SCARB1: variants seen among roughly 807,000 people sequenced by gnomAD.
The protein encoded by SCARB1 is scavenger receptor class B member 1.
In SCARB1, 30 loss-of-function variants were observed where a neutral mutation model predicts 57.2. The ratio of observed to expected loss-of-function variants is 0.52; its 90% CI spans 0.39 to 0.71. SCARB1 has a LOEUF of 0.71. SCARB1 is among the 30% of genes least tolerant of loss of function. The pLI is 0.00. For missense variants in SCARB1, 543 were observed against 671.2 expected (o/e 0.81, Z 2.11); for synonymous variants, 249 against 268.3 (o/e 0.93, Z 0.70).
At position 124,825,603 on chromosome 12, in the gene SCARB1, G is replaced by A. The variant is rs193132316; in HGVS notation, c.127-7896C>T. On this transcript the variant is annotated intron_variant, in intron 1 of 12. Coordinates refer to ENST00000261693, the MANE Select transcript of SCARB1 (RefSeq NM_005505.5). The stretch of plus-strand genomic sequence containing the variant: ...GGAGAATCGCTTGAGCCCAGGAGGC[G>A]GAGGTTGCAGTGAGCCGAGATCACA... Among the ~76,000 whole-genome samples, 17 of 150,774 alleles carry A rather than the reference G, an allele frequency of 1.1e-4. No individual in the cohort carries two copies. The East Asian group carries it at 3.2e-3, about 28-fold the overall frequency.
chr12:124,848,509 G>A (rs571960707), intron 1 of SCARB1, among the ~76,000 whole-genome samples: 3 of 152,216 alleles, frequency 2.0e-5, no homozygotes, highest in South Asian at 2.1e-4. Context: ...CGTGGTCCAC[G>A]GCCATGGAGA....
chr12:124,831,409 G>T (rs889847370), intron 1 of SCARB1, among the ~76,000 whole-genome samples: 8 of 152,126 alleles, frequency 5.3e-5, no homozygotes, highest in African/African-American at 1.9e-4. Flanking sequence ...GAGCCACTGC[G>T]CCTGGCCTAA....
chr12:124,825,927 A>G (rs1035784738), intron 1 of SCARB1, among the ~76,000 whole-genome samples: 7 of 152,098 alleles, frequency 4.6e-5, no homozygotes, highest in African/African-American at 1.4e-4. Flanking sequence ...TGCAGGTCAC[A>G]GGGCGCAAAG....
Position 124,793,795 on chromosome 12 carries a change from G to A in SCARB1, c.1202+1400C>T, listed in dbSNP as rs183182415. 1.7e-3 allele frequency among the ~76,000 whole-genome samples: 252 copies of A among 151,922 alleles called. 1 individual carries two copies. Among genetic ancestry groups the A allele is most frequent in the African/African-American group, 5.9e-3 (245 of 41,426 alleles). The stretch of plus-strand genomic sequence containing the variant: ...ACAAAGAGTTAACATAGGACCCAGC[G>A]ATTCCACCCCTCGGTACATACCTAA... On this transcript the variant is annotated intron_variant, in intron 9 of 12. Coordinates refer to ENST00000261693, the MANE Select transcript of SCARB1 (RefSeq NM_005505.5).
chr12:124,785,768 A>C (rs1272258092), intron 11 of SCARB1: 2 of 392,366 alleles, frequency 5.1e-6, no homozygotes, highest in East Asian at 9.3e-5. Context: ...ATTTGGGTTA[A>C]ATAAGATTAA....
Position 124,807,950 on chromosome 12 carries a change from G to A in SCARB1, c.843-23C>T, listed in dbSNP as rs891596590. On this transcript the variant is annotated intron_variant, in intron 6 of 12. Coordinates refer to ENST00000261693, the MANE Select transcript of SCARB1 (RefSeq NM_005505.5). The surrounding 1 kb of genome is among the most constrained non-coding windows in gnomAD (Gnocchi z 5.3). The stretch of plus-strand genomic sequence containing the variant: ...GATCTGCAGGGGACAGACAGGATGA[G>A]AGGGGACACCCAGACCCGGCGGCCA... 1 of 1,613,438 alleles carries A rather than the reference G, an allele frequency of 6.2e-7. No individual in the cohort carries two copies. Among genetic ancestry groups the A allele is most frequent in the East Asian group, 2.2e-5 (1 of 44,876 alleles).
chr12:124,794,391 T>A (rs1045365819), intron 9 of SCARB1, among the ~76,000 whole-genome samples: 4 of 146,794 alleles, frequency 2.7e-5, no homozygotes, highest in African/African-American at 1.0e-4. Context: ...AATCAGTGCT[T>A]GAAAAATTCT....
At chr12:124,831,232 G>A (rs1951375586) in intron 1 of SCARB1, among the ~76,000 whole-genome samples, 1 of 152,114 alleles carries the variant, frequency 6.6e-6, no homozygotes, top group Non-Finnish European at 1.5e-5. Flanking sequence ...GCCTGCCTCG[G>A]CCTCCCAAAG....
intron 9 of SCARB1, among the ~76,000 whole-genome samples, chr12:124,793,459 C>T (rs1036994303): frequency 1.3e-5 from 2 of 151,566 alleles, no homozygotes; most frequent in African/African-American, 2.4e-5. Context: ...TTTGGGAGCC[C>T]GAGGCGGGCG....
rs71092225 is a variant in SCARB1 at position 124,817,020 on chromosome 12, ATGTGTG to A, written c.284+524_284+529del. ...GGTCGGTCCCTGCTCCTGGTCATGCATGTGTGTGTGTGTGTGTGTGTGTGTGTGTAT... is the reference window on the plus strand; with the variant it reads ...GGTCGGTCCCTGCTCCTGGTCATGCATGTGTGTGTGTGTGTGTGTGTGTAT... On this transcript the variant is annotated intron_variant, in intron 2 of 12. Coordinates refer to ENST00000261693, the MANE Select transcript of SCARB1 (RefSeq NM_005505.5). The surrounding 1 kb of genome is among the most constrained non-coding windows in gnomAD (Gnocchi z 4.8). Among the ~76,000 whole-genome samples the A allele has an allele frequency of 0.34, 49,685 of 145,964 alleles. 8,717 individuals are homozygous for A. Among genetic ancestry groups the A allele is most frequent in the South Asian group, 0.44 (1,945 of 4,466 alleles).
chr12:124,852,585 A>G (rs1230981738), intron 1 of SCARB1, among the ~76,000 whole-genome samples: 4 of 152,256 alleles, frequency 2.6e-5, no homozygotes, highest in Non-Finnish European at 4.4e-5. Flanking sequence ...CCAAGGTCCT[A>G]CGCTAGGTGG....
chr12:124,852,216 T>C (rs1952437769), intron 1 of SCARB1, among the ~76,000 whole-genome samples: 1 of 152,134 alleles, frequency 6.6e-6, no homozygotes, highest in Admixed American at 6.6e-5. Context: ...TACTCCACCT[T>C]CATGCTGGGG....
chr12:124,802,149 C>CAA (rs10636464), intron 7 of SCARB1, among the ~76,000 whole-genome samples: 10,534 of 111,652 alleles, frequency 0.094, 606 homozygotes, highest in African/African-American at 0.15. Flanking sequence ...GACTGTGTCT[C>CAA]AAAAAAAAAA....
rs888260136 is a variant in SCARB1, at chr12:124,822,547, T to C, written c.127-4840A>G. Among the ~76,000 whole-genome samples, 4 of 152,232 alleles carry C rather than the reference T, an allele frequency of 2.6e-5. No individual in the cohort carries two copies. Among genetic ancestry groups the C allele is most frequent in the African/African-American group, 4.8e-5 (2 of 41,462 alleles). ...CTAACGTGAACTGGCCCAGCTATCT[T>C]GATTTTGGTTGCCATATAGGTGAAG... is the stretch of plus-strand genomic sequence containing the variant. On this transcript the variant is annotated intron_variant, in intron 1 of 12. Transcript: ENST00000261693. This position sits in a 1 kb window ranked among gnomAD's most constrained non-coding sequence, Gnocchi z 5.0.
At chr12:124,813,696 T>TC (rs545013761) in intron 4 of SCARB1, among the ~76,000 whole-genome samples, 2 of 151,500 alleles carry the variant, frequency 1.3e-5, no homozygotes, top group African/African-American at 4.8e-5. Context: ...CACCACGATA[T>TC]CCCCCCCAGC....
chr12:124,837,589 A>G (rs1470778783), intron 1 of SCARB1, among the ~76,000 whole-genome samples: 1 of 5,922 alleles, frequency 1.7e-4, no homozygotes, highest in African/African-American at 1.9e-4. Context: ...AAAAGAAAAG[A>G]AAAGAAAAGT....
At chr12:124,827,954 G>A (rs1447810963) in intron 1 of SCARB1, among the ~76,000 whole-genome samples, 1 of 152,114 alleles carries the variant, frequency 6.6e-6, no homozygotes, top group Non-Finnish European at 1.5e-5. Flanking sequence ...CGATGTGTCT[G>A]TCCTCAGGGC....
At chr12:124,793,521 G>GT (rs1369181036) in intron 9 of SCARB1, among the ~76,000 whole-genome samples, 1 of 151,994 alleles carries the variant, frequency 6.6e-6, no homozygotes, top group Admixed American at 6.6e-5. Context: ...GTGAAACCCT[G>GT]TATCTACTAA....
At position 124,782,883 on chromosome 12, in the gene SCARB1, T is replaced by A. The variant is rs1949370044; in HGVS notation, c.1402-72A>T. On this transcript the variant is annotated intron_variant, in intron 11 of 12. Transcript: ENST00000261693. Reference sequence around the variant, plus strand: ...AAAATGGTTTTACACGGTTCTTCAATTTGCAAAAGGCAAAGAGGAAACAGG... The same window carrying A: ...AAAATGGTTTTACACGGTTCTTCAAATTGCAAAAGGCAAAGAGGAAACAGG... The A allele has an allele frequency of 3.9e-6, 6 of 1,529,136 alleles. No homozygotes were observed. The East Asian group carries it at 1.4e-4, about 34-fold the overall frequency. The allele number at this position is 1,529,136 out of a possible 1,614,324, so 94.7% of individuals were successfully genotyped here.
Sources: gnomAD v4.1 joint callset for allele counts (sites outside exome capture counted in the v4.1 genomes callset) on GRCh38, gnomAD v4.1.1 for gene constraint, Gnocchi (gnomAD v3.1) non-coding constraint, MANE v1.5 for transcripts, NCBI Gene and HGNC (gene_info 2026-07-23, HGNC 2026-07-21) for gene names.